DLG2: variants seen among roughly 807,000 people sequenced by gnomAD.
DLG2 encodes the protein disks large homolog 2.
In DLG2, 45 loss-of-function variants were observed where a neutral mutation model predicts 132.5. The observed-to-expected ratio is 0.34, with a 90% CI of 0.27 to 0.44. The LOEUF (loss-of-function observed/expected upper bound fraction) is 0.44. DLG2 is among the 20% of genes least tolerant of loss of function. DLG2 has a pLI of 1.00. For synonymous variants in DLG2, 424 were observed against 419.6 expected, an observed-to-expected ratio of 1.01 and a Z score of -0.13; for missense variants, 1,045 against 1,196.9, an observed-to-expected ratio of 0.87 and a Z score of 1.87.
chr11:85,015,859 T>A (rs1204536692), intron 6 of DLG2, among the ~76,000 whole-genome samples: 8 of 152,112 alleles, frequency 5.3e-5, no homozygotes, highest in Admixed American at 5.2e-4. Context: ...TTATAATACT[T>A]TATGGTAACT....
chr11:84,858,323 TA>T (rs796575384), intron 6 of DLG2, among the ~76,000 whole-genome samples: 13 of 149,336 alleles, frequency 8.7e-5, no homozygotes, highest in East Asian at 5.9e-4. Flanking sequence ...AGTCTGATTT[TA>T]AAAAAAAAAA....
chr11:84,544,133 T>A (rs958589892), intron 6 of DLG2, among the ~76,000 whole-genome samples: 4 of 152,242 alleles, frequency 2.6e-5, no homozygotes, highest in African/African-American at 9.6e-5. Context: ...ATATTGGAAA[T>A]GTAGCCTGGT....
chr11:83,625,219 G>T (rs939331238), intron 19 of DLG2, among the ~76,000 whole-genome samples: 4 of 152,264 alleles, frequency 2.6e-5, no homozygotes, highest in Admixed American at 6.5e-5. Context: ...GTCCAAGATT[G>T]GAGGGGAAGA....
At chr11:85,000,318 A>C (rs2058091680) in intron 6 of DLG2, among the ~76,000 whole-genome samples, 1 of 152,188 alleles carries the variant, frequency 6.6e-6, no homozygotes. Context: ...AAAAGCTTAG[A>C]GGTCTTTCTG....
At position 84,040,652 on chromosome 11, in the gene DLG2, T is replaced by C. The variant is rs570271385; in HGVS notation, c.919+18663A>G. 7.9e-5 allele frequency among the ~76,000 whole-genome samples: 12 copies of C among 151,076 alleles called. No individual in the cohort carries two copies. The East Asian group carries it at 1.8e-3, about 22-fold the overall frequency. The stretch of plus-strand genomic sequence containing the variant: ...TGTAGTATAGTTTGAAGTCAGGTAG[T>C]GTGATGCCTCCAGCTTTGTTCTTTT... On this transcript the variant is annotated intron_variant, in intron 11 of 27. Transcript: ENST00000376104.
At chr11:83,909,697 G>A (rs1299949526) in intron 15 of DLG2, among the ~76,000 whole-genome samples, 1 of 152,176 alleles carries the variant, frequency 6.6e-6, no homozygotes, top group Non-Finnish European at 1.5e-5. Flanking sequence ...TGAAAAAAGA[G>A]AGACTTATGC....
chr11:84,752,909 T>G (rs963725585), intron 6 of DLG2, among the ~76,000 whole-genome samples: 5 of 151,896 alleles, frequency 3.3e-5, no homozygotes, highest in African/African-American at 9.7e-5. Flanking sequence ...CATCATTTTT[T>G]ATGGCTGCAT....
At chr11:85,402,693 A>G (rs1213030330) in intron 3 of DLG2, among the ~76,000 whole-genome samples, 1 of 152,208 alleles carries the variant, frequency 6.6e-6, no homozygotes, top group Non-Finnish European at 1.5e-5. Context: ...ACATGAACAG[A>G]CACTTCTCAA....
chr11:85,252,382 A>T (rs1278134076), intron 4 of DLG2, among the ~76,000 whole-genome samples: 1 of 152,134 alleles, frequency 6.6e-6, no homozygotes, highest in Non-Finnish European at 1.5e-5. Flanking sequence ...AGGTCAGGAG[A>T]TCAAGACCAT....
intron 15 of DLG2, among the ~76,000 whole-genome samples, chr11:83,890,820 G>A (rs2069577196): frequency 6.6e-6 from 1 of 152,104 alleles, no homozygotes; most frequent in East Asian, 1.9e-4. Flanking sequence ...CCAATGGGTC[G>A]AAGGAAGGAA....
intron 3 of DLG2, among the ~76,000 whole-genome samples, chr11:85,588,946 G>C (rs763579769): frequency 7.2e-5 from 11 of 152,142 alleles, no homozygotes; most frequent in Non-Finnish European, 1.5e-4. Flanking sequence ...GCTCTTCTGA[G>C]TCTAGCCACC....
intron 6 of DLG2, among the ~76,000 whole-genome samples, chr11:84,833,351 G>C (rs1194469891): frequency 6.6e-6 from 1 of 151,462 alleles, no homozygotes; most frequent in East Asian, 2.0e-4. Flanking sequence ...CTTATTTACT[G>C]CTCCTAGCAC....
chr11:85,186,843 A>C (rs1311770805), intron 4 of DLG2, among the ~76,000 whole-genome samples: 1 of 152,008 alleles, frequency 6.6e-6, no homozygotes, highest in Non-Finnish European at 1.5e-5. Context: ...CATATATTTC[A>C]TTTTAAAAAC....
At chr11:85,082,029 T>C (rs2067296514) in intron 6 of DLG2, among the ~76,000 whole-genome samples, 1 of 152,134 alleles carries the variant, frequency 6.6e-6, no homozygotes, top group Admixed American at 6.5e-5. Context: ...TGGCTATCCA[T>C]AGTTTGTTGA....
At chr11:84,492,596 A>G (rs987859105) in intron 7 of DLG2, among the ~76,000 whole-genome samples, 2 of 152,192 alleles carry the variant, frequency 1.3e-5, no homozygotes, top group African/African-American at 4.8e-5. Flanking sequence ...AAATAATCAC[A>G]TATAACTCAC....
At chr11:84,526,075 A>G (rs2099319738) in intron 7 of DLG2, among the ~76,000 whole-genome samples, 2 of 152,212 alleles carry the variant, frequency 1.3e-5, no homozygotes, top group Non-Finnish European at 1.5e-5. Flanking sequence ...TGTACGCTCC[A>G]AAAGTATATG....
chr11:84,105,939 T>C (rs1156365951), intron 9 of DLG2, among the ~76,000 whole-genome samples: 1 of 152,128 alleles, frequency 6.6e-6, no homozygotes, highest in Non-Finnish European at 1.5e-5. Context: ...TAGTTTATAC[T>C]ACAAAACTAT....
At chr11:85,155,334 G>A (rs1185483389) in intron 4 of DLG2, among the ~76,000 whole-genome samples, 2 of 152,280 alleles carry the variant, frequency 1.3e-5, no homozygotes, top group East Asian at 1.9e-4. Context: ...TCTGCCCTAC[G>A]ATTCTTTTGG....
At chr11:83,498,013 C>T (rs1255066409) in intron 21 of DLG2, among the ~76,000 whole-genome samples, 2 of 151,742 alleles carry the variant, frequency 1.3e-5, no homozygotes, top group Non-Finnish European at 2.9e-5. Context: ...CATCTTATTA[C>T]AGAGATACAA....
Sources: allele counts gnomAD v4.1 joint callset (sites outside exome capture counted in the v4.1 genomes callset), GRCh38; gene constraint gnomAD v4.1.1; transcripts MANE v1.5; gene names NCBI Gene and HGNC (gene_info 2026-07-23, HGNC 2026-07-21).